DENND4C: variants seen among roughly 807,000 people sequenced by gnomAD.
DENND4C encodes DENN domain-containing protein 4C.
DENND4C carries 108 observed loss-of-function variants against 203.0 expected under a neutral mutation model. The ratio of observed to expected loss-of-function variants is 0.53; its 90% CI spans 0.46 to 0.62. The LOEUF (loss-of-function observed/expected upper bound fraction) is 0.62, where lower values mean the gene tolerates loss of function less well. DENND4C is among the 20% of genes least tolerant of loss of function. DENND4C has a pLI of 0.00. For synonymous variants in DENND4C, 871 were observed against 792.4 expected (o/e 1.10, Z -1.67); for missense variants, 2,481 against 2,301.2 (o/e 1.08, Z -1.60).
chr9:19,273,403 C>T (rs917429084), intron 1 of DENND4C, among the ~76,000 whole-genome samples: 3 of 152,058 alleles, frequency 2.0e-5, no homozygotes, highest in Admixed American at 6.6e-5. Flanking sequence ...TTTCTTACGA[C>T]ATCGCAAGCA....
intron 23 of DENND4C, 73 bp from the exon 24 acceptor site, chr9:19,350,629 A>G (rs1823878420): frequency 7.1e-6 from 9 of 1,275,684 alleles, no homozygotes; most frequent in Non-Finnish European, 6.4e-6. Flanking sequence ...AATTTTGAAA[A>G]GGGTAGAGTG....
At chr9:19,351,992 C>A in intron 24 of DENND4C, 81 bp from the exon 25 acceptor site, 1 of 1,083,034 alleles carries the variant, frequency 9.2e-7, no homozygotes, top group African/African-American at 1.6e-5. Context: ...ATTCTGTGTC[C>A]CCCCTAAATA....
chr9:19,242,502 C>G (rs991100247), intron 1 of DENND4C, among the ~76,000 whole-genome samples: 5 of 152,236 alleles, frequency 3.3e-5, no homozygotes, highest in African/African-American at 1.2e-4. Context: ...AACTGCCAAA[C>G]TGCCTTCCAA....
chr9:19,238,906 G>C lies in DENND4C; in HGVS notation c.-18+8073G>C, dbSNP rs187609525. On this transcript the variant is annotated intron_variant, in intron 1 of 32. Transcript: ENST00000434457. The stretch of plus-strand genomic sequence containing the variant: ...GACCTCAGGTGATCCACCCACCTCG[G>C]CCTCCCAAAGTGCTGGGATTGCAGG... Among the ~76,000 whole-genome samples, 685 of 151,062 alleles carry C rather than the reference G, an allele frequency of 4.5e-3. 7 individuals are homozygous for C. The highest frequency in any genetic ancestry group is 0.016 in the African/African-American group (649 of 41,108).
At chr9:19,295,869 T>G in intron 5 of DENND4C, 139 bp from the exon 6 acceptor site, 1 of 629,288 alleles carries the variant, frequency 1.6e-6, no homozygotes, top group Admixed American at 3.2e-5. Flanking sequence ...GGGACAGAAA[T>G]TTGGGTGAGA....
At chr9:19,289,731 A>G (rs1225674534) in intron 4 of DENND4C, among the ~76,000 whole-genome samples, 1 of 151,154 alleles carries the variant, frequency 6.6e-6, no homozygotes, top group Non-Finnish European at 1.5e-5. Flanking sequence ...TGGGAGGCTG[A>G]GGCACGAGAA....
intron 10 of DENND4C, among the ~76,000 whole-genome samples, chr9:19,314,545 T>C (rs1259610049): frequency 1.3e-5 from 2 of 152,148 alleles, no homozygotes; most frequent in African/African-American, 4.8e-5. Flanking sequence ...ACACCACCTG[T>C]TCCCCAAAAA....
chr9:19,263,807 C>T (rs1829928471), intron 1 of DENND4C, among the ~76,000 whole-genome samples: 1 of 151,988 alleles, frequency 6.6e-6, no homozygotes. Context: ...AGGCGCCCAC[C>T]ACCACGCCCG....
intron 28 of DENND4C, among the ~76,000 whole-genome samples, chr9:19,359,392 ATATC>A (rs1826009369): frequency 1.3e-5 from 2 of 151,880 alleles, no homozygotes; most frequent in South Asian, 4.1e-4. Flanking sequence ...ATTTATCTTT[ATATC>A]TATTGCTGTT....
chr9:19,287,881 C>T (rs1037028300), intron 3 of DENND4C, among the ~76,000 whole-genome samples: 9 of 152,078 alleles, frequency 5.9e-5, no homozygotes, highest in Admixed American at 2.6e-4. Flanking sequence ...TACGGGCGTG[C>T]GCCACTACGC....
intron 5 of DENND4C, among the ~76,000 whole-genome samples, chr9:19,291,787 G>A (rs967299233): frequency 1.3e-5 from 2 of 151,784 alleles, no homozygotes; most frequent in African/African-American, 4.8e-5. Flanking sequence ...CCTTAAATGT[G>A]GTACATACAA....
In DENND4C at chr9:19,267,087, C is replaced by T. The variant is rs190489893; in HGVS notation, c.-17-9071C>T. Among the ~76,000 whole-genome samples the T allele has an allele frequency of 5.3e-5, 8 of 152,220 alleles. No homozygotes were observed. The East Asian group carries it at 1.3e-3, about 26-fold the overall frequency. ...TGAGGAGAAGAATGTGTATATTCTG[C>T]AGCCGTTAGATGAAATGTTCTGTAA... On this transcript the variant is annotated intron_variant, in intron 1 of 32. Coordinates refer to ENST00000434457, the MANE Select transcript of DENND4C (RefSeq NM_001330640.2).
At chr9:19,328,506 G>C (rs544311632) in intron 16 of DENND4C, among the ~76,000 whole-genome samples, 2 of 152,004 alleles carry the variant, frequency 1.3e-5, no homozygotes. Flanking sequence ...CCAGCTACTC[G>C]GGAGGCTAAG....
At chr9:19,328,876 C>A (rs1331749039) in intron 16 of DENND4C, among the ~76,000 whole-genome samples, 1 of 151,840 alleles carries the variant, frequency 6.6e-6, no homozygotes, top group Non-Finnish European at 1.5e-5. Context: ...TGGAGAAACC[C>A]CGTCTCTACT....
chr9:19,264,342 C>G (rs1437472826), intron 1 of DENND4C, among the ~76,000 whole-genome samples: 2 of 151,918 alleles, frequency 1.3e-5, no homozygotes, highest in African/African-American at 4.8e-5. Context: ...CCCTGTTATC[C>G]AGGCTAGAGT....
At chr9:19,318,303 GA>G (rs1457033432) in intron 12 of DENND4C, among the ~76,000 whole-genome samples, 2 of 151,922 alleles carry the variant, frequency 1.3e-5, no homozygotes, top group African/African-American at 4.8e-5. Flanking sequence ...TGGGCGACAA[GA>G]GTGAAACTCC....
intron 13 of DENND4C, among the ~76,000 whole-genome samples, chr9:19,325,359 C>G (rs926280715): frequency 6.6e-6 from 1 of 151,860 alleles, no homozygotes; most frequent in African/African-American, 2.4e-5. Context: ...TAATATAATT[C>G]TTATTTTTGC....
intron 29 of DENND4C, among the ~76,000 whole-genome samples, chr9:19,360,810 A>C (rs1173940825): frequency 5.3e-5 from 8 of 152,132 alleles, no homozygotes; most frequent in Admixed American, 4.6e-4. Context: ...TTTTTTCTTA[A>C]GGGATAGCTC....
At chr9:19,297,249 G>A (rs1440652258) in intron 6 of DENND4C, among the ~76,000 whole-genome samples, 2 of 152,122 alleles carry the variant, frequency 1.3e-5, no homozygotes, top group Non-Finnish European at 2.9e-5. Flanking sequence ...CTAGTTTAGT[G>A]GATAAGGTAG....
Sources: gnomAD v4.1 joint callset for allele counts (sites outside exome capture counted in the v4.1 genomes callset) on GRCh38, gnomAD v4.1.1 for gene constraint, MANE v1.5 for transcripts, NCBI Gene and HGNC (gene_info 2026-07-23, HGNC 2026-07-21) for gene names.